The following PDCD2L variants were observed in gnomAD, a reference collection of about 807,000 sequenced individuals.
PDCD2L encodes the protein uS5 assembly chaperone PDCD2L.
PDCD2L carries 44 observed loss-of-function variants against 40.4 expected under a neutral mutation model. The observed-to-expected ratio is 1.09, with a 90% CI of 0.86 to 1.40. The LOEUF is 1.40. Ranked by LOEUF, PDCD2L falls within the 40% of genes most tolerant of loss-of-function variation. The pLI is 0.00. For missense variants in PDCD2L, 470 were observed against 453.7 expected, an observed-to-expected ratio of 1.04 and a Z score of -0.33; for synonymous variants, 194 against 174.6, an observed-to-expected ratio of 1.11 and a Z score of -0.88.
Position 34,421,647 on chromosome 19 carries a change from T to C in PDCD2L, c.926T>C (p.Met309Thr), listed in dbSNP as rs1599875865. ...EFQLMPALVS[M>T]LKSANLGLSV... is the part of the protein sequence containing the mutation. ...CAGCTTATGCCAGCACTGGTCAGCA[T>C]GCTCAAGAGTGCTAATTTAGGTGAG... is the stretch of plus-strand genomic sequence containing the variant. Residue 309 changes from methionine (M) to threonine (T), a missense_variant, in exon 6 of 7, where the codon ATG becomes ACG. Met to Thr is a moderately conservative substitution (Grantham distance 81). Transcript: ENST00000246535. The C allele has an allele frequency of 6.2e-7, 1 of 1,613,308 alleles. No homozygotes were observed. Among genetic ancestry groups the C allele is most frequent in the African/African-American group, 1.3e-5 (1 of 75,032 alleles).
At chr19:34,409,603 CT>C in intron 4 of PDCD2L, 93 bp downstream of exon 4, 1 of 1,167,696 alleles carries the variant, frequency 8.6e-7, no homozygotes, top group Non-Finnish European at 1.2e-6. Flanking sequence ...CCTGGGGAAA[CT>C]TTCAGGCAGA....
chr19:34,410,665 G>C (rs1385059470), intron 4 of PDCD2L, among the ~76,000 whole-genome samples: 4 of 152,044 alleles, frequency 2.6e-5, no homozygotes, highest in Non-Finnish European at 5.9e-5. Context: ...TTCATTTGTA[G>C]GCTTTTTCAG....
intron 3 of PDCD2L, 55 bp downstream of exon 3, chr19:34,405,045 A>G: frequency 6.3e-7 from 1 of 1,597,092 alleles, no homozygotes; most frequent in Non-Finnish European, 8.6e-7. Flanking sequence ...GATATTTTCC[A>G]GAGAATAGTT....
Position 34,421,543 on chromosome 19 carries a change from C to G in PDCD2L, c.822C>G (p.Leu274=). 6.2e-7 allele frequency: 1 copy of G among 1,614,078 alleles called. No homozygotes were observed. ...ILRYSWSGEP[L]FLTCPTSEVT... ...GGTATTCCTGGAGTGGAGAGCCACT[C>G]TTTTTGACCTGCCCTACATCAGAAG... Residue 274 remains leucine, a synonymous_variant, in exon 6 of 7, where the codon CTC becomes CTG. Transcript: ENST00000246535.
chr19:34,419,675 T>C (rs1475411346), intron 5 of PDCD2L, among the ~76,000 whole-genome samples: 1 of 151,674 alleles, frequency 6.6e-6, no homozygotes, highest in African/African-American at 2.4e-5. Flanking sequence ...TTTTTGTCTC[T>C]GTATTCCTTT....
chr19:34,422,809 G>A (rs764227789), intron 6 of PDCD2L, among the ~76,000 whole-genome samples: 7 of 151,470 alleles, frequency 4.6e-5, no homozygotes, highest in Admixed American at 2.6e-4. Flanking sequence ...TCCGCCTCCC[G>A]GGTTCATGCC....
chr19:34,407,236 G>A (rs1324095961), intron 3 of PDCD2L, among the ~76,000 whole-genome samples: 1 of 151,598 alleles, frequency 6.6e-6, no homozygotes, highest in East Asian at 1.9e-4. Context: ...CCGCCTCCCA[G>A]GTTCGAGCAA....
chr19:34,405,630 G>A (rs149169419), intron 3 of PDCD2L, among the ~76,000 whole-genome samples: 3,692 of 151,614 alleles, frequency 0.024, 80 homozygotes, highest in Admixed American at 0.048. Flanking sequence ...GCTGGGCGCG[G>A]TGGCTTACGC....
intron 5 of PDCD2L, among the ~76,000 whole-genome samples, chr19:34,416,043 C>T (rs556141726): frequency 1.3e-5 from 2 of 152,322 alleles, no homozygotes; most frequent in Non-Finnish European, 2.9e-5. Context: ...GTCTCAGCCT[C>T]CTGAGTAGCT....
chr19:34,425,454 C>T (rs779937095), intron 6 of PDCD2L, among the ~76,000 whole-genome samples: 26 of 151,668 alleles, frequency 1.7e-4, no homozygotes, highest in Non-Finnish European at 3.2e-4. Context: ...AGGTGTGCAC[C>T]GTTACACCCA....
At chr19:34,405,092 C>A in intron 3 of PDCD2L, 102 bp downstream of exon 3, 1 of 1,190,812 alleles carries the variant, frequency 8.4e-7, no homozygotes, top group Non-Finnish European at 1.2e-6. Context: ...TTGAAGTACA[C>A]TGGAGTGTTT....
At chr19:34,416,960 A>G (rs1366250132) in intron 5 of PDCD2L, among the ~76,000 whole-genome samples, 1 of 152,074 alleles carries the variant, frequency 6.6e-6, no homozygotes, top group East Asian at 1.9e-4. Flanking sequence ...CTAAAAATAC[A>G]AAAATTAGCC....
chr19:34,421,396 C>G, intron 5 of PDCD2L, 123 bp from the exon 6 acceptor site: 1 of 1,087,650 alleles, frequency 9.2e-7, no homozygotes, highest in Non-Finnish European at 1.3e-6. Flanking sequence ...AGCCATGGTG[C>G]TAGGTTTTTG....
At chr19:34,408,271 C>T (rs1298499781) in intron 3 of PDCD2L, among the ~76,000 whole-genome samples, 1 of 152,060 alleles carries the variant, frequency 6.6e-6, no homozygotes, top group African/African-American at 2.4e-5. Flanking sequence ...AAGTTGAAGA[C>T]AGTGGTGTTT....
At chr19:34,424,645 T>C (rs1599877253) in intron 6 of PDCD2L, among the ~76,000 whole-genome samples, 1 of 152,266 alleles carries the variant, frequency 6.6e-6, no homozygotes, top group South Asian at 2.1e-4. Flanking sequence ...CGCAGTGTGT[T>C]TACTGGAGTT....
intron 4 of PDCD2L, among the ~76,000 whole-genome samples, chr19:34,412,295 G>A (rs1013396206): frequency 1.3e-5 from 2 of 152,038 alleles, no homozygotes; most frequent in African/African-American, 4.8e-5. Context: ...TGAGATTACA[G>A]GTGTGAGCCA....
chr19:34,410,794 A>ATTTG (rs2075098991), intron 4 of PDCD2L, among the ~76,000 whole-genome samples: 2 of 150,616 alleles, frequency 1.3e-5, no homozygotes, highest in African/African-American at 4.9e-5. Flanking sequence ...TTATTTATTT[A>ATTTG]TTTTTGTGTG....
At chr19:34,412,717 CA>C (rs35174221) in intron 4 of PDCD2L, among the ~76,000 whole-genome samples, 191 of 106,290 alleles carry the variant, frequency 1.8e-3, no homozygotes, top group Middle Eastern at 0.011. Context: ...GACTCCCTCT[CA>C]AAAAAAAAAA....
chr19:34,417,197 A>G (rs769356052), intron 5 of PDCD2L, among the ~76,000 whole-genome samples: 50 of 152,244 alleles, frequency 3.3e-4, no homozygotes, highest in Non-Finnish European at 3.7e-4. Flanking sequence ...CTTCATAAGA[A>G]TGGATTCCAT....
Sources: gnomAD v4.1 joint callset for allele counts (sites outside exome capture counted in the v4.1 genomes callset) on GRCh38, gnomAD v4.1.1 for gene constraint, MANE v1.5 for transcripts, NCBI Gene and HGNC (gene_info 2026-07-23, HGNC 2026-07-21) for gene names.